Variants in FBXO4 observed in about 807,000 individuals in gnomAD.
FBXO4 encodes the protein F-box only protein 4.
FBXO4 carries 36 observed loss-of-function variants against 43.7 expected under a neutral mutation model. The observed-to-expected ratio is 0.82, with a 90% CI of 0.63 to 1.09. FBXO4 has a LOEUF of 1.09. Ranked by LOEUF, FBXO4 falls within the 50% of genes least tolerant of loss-of-function variation. The pLI is 0.00. For missense variants in FBXO4, 435 were observed against 474.1 expected (o/e 0.92, Z 0.77); for synonymous variants, 180 against 165.6 (o/e 1.09, Z -0.67).
chr5:41,974,360 G>A, the FBXO4 span, among the ~76,000 whole-genome samples: 1 of 151,994 alleles, frequency 6.6e-6, no homozygotes, highest in Non-Finnish European at 1.5e-5. Flanking sequence ...TATGTTAGAT[G>A]GTTTGATATT....
intron 5 of FBXO4, chr5:41,935,114 G>A (rs745543302): frequency 1.2e-5 from 12 of 985,140 alleles, no homozygotes; most frequent in Non-Finnish European, 1.2e-5. Context: ...AACAAATAGT[G>A]TTTTAGTTCC....
chr5:41,972,738 A>G, the FBXO4 span, among the ~76,000 whole-genome samples: 1 of 152,168 alleles, frequency 6.6e-6, no homozygotes, highest in African/African-American at 2.4e-5. Flanking sequence ...CATAAAACCA[A>G]TGGAACGAGC....
the FBXO4 span, among the ~76,000 whole-genome samples, chr5:41,959,792 G>A: frequency 3.9e-5 from 6 of 152,074 alleles, no homozygotes; most frequent in African/African-American, 7.2e-5. Flanking sequence ...AAATAAGGTA[G>A]TGTGATGCCT....
the FBXO4 span, among the ~76,000 whole-genome samples, chr5:41,981,196 G>C: frequency 6.6e-6 from 1 of 151,882 alleles, no homozygotes; most frequent in Non-Finnish European, 1.5e-5. Context: ...AAGTATCTTT[G>C]TAACTCATTT....
Position 41,934,111 on chromosome 5 carries a change from GTCTT to G in FBXO4, c.723-20_723-17del. 6.2e-7 allele frequency: 1 copy of G among 1,613,156 alleles called. No individual in the cohort carries two copies. ...CCTGTTTAGTGTCTTTTTATATTCTGTCTTTACAATTTTTTTTCTAGAAAGGAAA... is the reference window on the plus strand; with the variant it reads ...CCTGTTTAGTGTCTTTTTATATTCTGTACAATTTTTTTTCTAGAAAGGAAA... On this transcript the variant is annotated intron_variant, in intron 4 of 6. Transcript: ENST00000281623.
the FBXO4 span, among the ~76,000 whole-genome samples, chr5:42,035,450 T>C: frequency 6.6e-6 from 1 of 152,116 alleles, no homozygotes; most frequent in African/African-American, 2.4e-5. Context: ...TGACCAATCT[T>C]ATCAGAAGCA....
intron 5 of FBXO4, chr5:41,935,105 A>G: frequency 1.0e-6 from 1 of 985,398 alleles, no homozygotes; most frequent in Non-Finnish European, 1.2e-6. Flanking sequence ...AGTTCATTTA[A>G]CAAATAGTGT....
intron 3 of FBXO4, among the ~76,000 whole-genome samples, chr5:41,930,548 A>C (rs560452502): frequency 4.8e-4 from 73 of 152,344 alleles, no homozygotes; most frequent in Admixed American, 9.1e-4. Context: ...CGGTCAAAGA[A>C]GGCTCCATAT....
At chr5:41,980,167 G>A in the FBXO4 span, among the ~76,000 whole-genome samples, 2 of 152,072 alleles carry the variant, frequency 1.3e-5, no homozygotes, top group East Asian at 3.8e-4. Context: ...AAAGTAAAAA[G>A]CTTTGGCGGG....
the FBXO4 span, among the ~76,000 whole-genome samples, chr5:42,015,096 G>A: frequency 5.5e-3 from 837 of 152,260 alleles, 5 homozygotes; most frequent in African/African-American, 0.019. Context: ...AATAAGCAGA[G>A]GGGGCATTAT....
At chr5:41,972,189 A>T in the FBXO4 span, among the ~76,000 whole-genome samples, 1 of 151,978 alleles carries the variant, frequency 6.6e-6, no homozygotes, top group Non-Finnish European at 1.5e-5. Context: ...TACCTAAAAA[A>T]CCCCATCCCA....
At chr5:42,036,255 G>C in the FBXO4 span, among the ~76,000 whole-genome samples, 1 of 151,624 alleles carries the variant, frequency 6.6e-6, no homozygotes, top group African/African-American at 2.4e-5. Context: ...TTAGTGGATG[G>C]GTATGTGAGG....
the FBXO4 span, among the ~76,000 whole-genome samples, chr5:42,002,808 C>T: frequency 2.6e-5 from 4 of 152,168 alleles, no homozygotes; most frequent in Non-Finnish European, 5.9e-5. Flanking sequence ...CCTTGAAAAA[C>T]TAAATAAATG....
the FBXO4 span, among the ~76,000 whole-genome samples, chr5:42,023,137 C>T: frequency 2.0e-5 from 3 of 151,934 alleles, no homozygotes; most frequent in Admixed American, 6.6e-5. Context: ...TTTCTAGGAC[C>T]GAATACGTGG....
chr5:41,954,120 A>T, the FBXO4 span, among the ~76,000 whole-genome samples: 1 of 152,158 alleles, frequency 6.6e-6, no homozygotes, highest in African/African-American at 2.4e-5. Context: ...AGGTTCTTCA[A>T]TATAAAAGTC....
the FBXO4 span, among the ~76,000 whole-genome samples, chr5:42,036,614 G>C: frequency 6.6e-6 from 1 of 152,150 alleles, no homozygotes. Flanking sequence ...CCTTATCTTG[G>C]GGAATTAAAG....
At chr5:41,929,164 G>A (rs993836122) in intron 2 of FBXO4, among the ~76,000 whole-genome samples, 18 of 152,190 alleles carry the variant, frequency 1.2e-4, no homozygotes, top group African/African-American at 4.3e-4. Flanking sequence ...CTTATCTTTA[G>A]TGCTGAGTTT....
At chr5:42,040,318 C>T in the FBXO4 span, among the ~76,000 whole-genome samples, 2 of 152,058 alleles carry the variant, frequency 1.3e-5, no homozygotes, top group African/African-American at 2.4e-5. Context: ...ATTTTGGTTT[C>T]GTTTGTTTAC....
chr5:42,007,474 T>G, the FBXO4 span, among the ~76,000 whole-genome samples: 1 of 152,114 alleles, frequency 6.6e-6, no homozygotes, highest in Non-Finnish European at 1.5e-5. Context: ...TTCTATTTCT[T>G]AGACACAGTA....
Sources: allele counts gnomAD v4.1 joint callset (sites outside exome capture counted in the v4.1 genomes callset), GRCh38; gene constraint gnomAD v4.1.1; transcripts MANE v1.5; gene names NCBI Gene and HGNC (gene_info 2026-07-23, HGNC 2026-07-21).